The following AAAS variants were observed in gnomAD, a reference collection of about 807,000 sequenced individuals.
AAAS encodes aladin WD repeat nucleoporin, also known as aladin.
In AAAS, 60 loss-of-function variants were observed where a neutral mutation model predicts 75.6. That is an observed-to-expected ratio of 0.79 (90% CI 0.64 to 0.98). The LOEUF (loss-of-function observed/expected upper bound fraction) is 0.98. Among genes scored for constraint, AAAS ranks in the 50% least tolerant of loss-of-function variants. The probability of loss-of-function intolerance (pLI) is 0.00; values close to 1 mark genes in which losing one functional copy is unlikely to be tolerated. For missense variants in AAAS, 658 were observed against 686.9 expected (o/e 0.96, Z 0.47); for synonymous variants, 271 against 265.0 (o/e 1.02, Z -0.22).
Position 53,307,956 on chromosome 12 carries a change from G to C in AAAS, c.1332-27C>G, listed in dbSNP as rs370258728. On this transcript the variant is annotated intron_variant, in intron 14 of 15. Coordinates refer to ENST00000209873, the MANE Select transcript of AAAS (RefSeq NM_015665.6). ...TAGAAGAAAAGGTGAGCAGGCAACC[G>C]GAGGCAAGAAGGGAGCTGAATGTAG... is the stretch of plus-strand genomic sequence containing the variant. 6 of 1,613,460 alleles carry C rather than the reference G, an allele frequency of 3.7e-6. No individual in the cohort carries two copies. In the African/African-American group the frequency reaches 8.0e-5, roughly 22 times the overall value.
chr12:53,320,085 T>G (rs1379210874), intron 2 of AAAS, among the ~76,000 whole-genome samples: 1 of 151,182 alleles, frequency 6.6e-6, no homozygotes, highest in Non-Finnish European at 1.5e-5. Flanking sequence ...GCCACTGCAC[T>G]CCAGCCTGGG....
chr12:53,318,504 C>T (rs765206328), intron 2 of AAAS, among the ~76,000 whole-genome samples: 3 of 152,116 alleles, frequency 2.0e-5, no homozygotes, highest in Admixed American at 6.6e-5. Flanking sequence ...TGAGCTTCCG[C>T]GCCCAGACTA....
intron 2 of AAAS, among the ~76,000 whole-genome samples, chr12:53,315,995 G>A (rs1250119568): frequency 6.6e-6 from 1 of 152,186 alleles, no homozygotes; most frequent in Non-Finnish European, 1.5e-5. Context: ...GACAACCAAG[G>A]CTCAGAGGAC....
rs1944322316 is a variant in AAAS at position 53,308,140 on chromosome 12, G to T, written c.1250-7C>A. 1.9e-6 allele frequency: 3 copies of T among 1,614,048 alleles called. No homozygotes were observed. The highest frequency in any genetic ancestry group is 1.3e-5 in the African/African-American group (1 of 74,946). On this transcript the variant is annotated splice_polypyrimidine_tract_variant and splice_region_variant and intron_variant, in intron 13 of 15. Coordinates refer to ENST00000209873, the MANE Select transcript of AAAS (RefSeq NM_015665.6). ...TCCTGTACCCTTGGCTTTCCTGTAA[G>T]AAATGGATCCAGGGATAGGGGAGGA...
chr12:53,321,603 A>G lies in AAAS; in HGVS notation c.-138T>C. Reference sequence around the variant, plus strand: ...GGGACAAACGGCGAGGCGGAACTCAACGGAAGTGAAGAAAAGACTAACGGG... The same window carrying G: ...GGGACAAACGGCGAGGCGGAACTCAGCGGAAGTGAAGAAAAGACTAACGGG... On this transcript the variant is annotated 5_prime_UTR_variant, in exon 1 of 16. Transcript: ENST00000209873. 6 of 1,457,534 alleles carry G rather than the reference A, an allele frequency of 4.1e-6. No individual in the cohort carries two copies. The highest frequency in any genetic ancestry group is 3.4e-5 in the Admixed American group (2 of 58,988). 90.3% of individuals were successfully genotyped at this position (1,457,534 alleles called of 1,614,324 possible).
intron 2 of AAAS, among the ~76,000 whole-genome samples, chr12:53,318,223 A>AGTGTGTATGT: frequency 7.3e-6 from 1 of 136,996 alleles, no homozygotes; most frequent in East Asian, 2.2e-4. Context: ...ATGGGGTTTC[A>AGTGTGTATGT]GTGTGTGTGT....
chr12:53,317,865 G>T (rs1944487972), intron 2 of AAAS, among the ~76,000 whole-genome samples: 1 of 152,126 alleles, frequency 6.6e-6, no homozygotes, highest in Non-Finnish European at 1.5e-5. Context: ...AAGATGTGAA[G>T]ACTAATCAGA....
At chr12:53,318,272 GT>G (rs1254596062) in intron 2 of AAAS, among the ~76,000 whole-genome samples, 1 of 150,074 alleles carries the variant, frequency 6.7e-6, no homozygotes, top group Admixed American at 6.6e-5. Context: ...GTGTGTGTGT[GT>G]TAAGACGGAG....
rs1384582461 is a variant in AAAS, at chr12:53,309,153, TCA to T, written c.935+2_935+3del. 1 of 1,614,200 alleles carries T rather than the reference TCA, an allele frequency of 6.2e-7. No homozygotes were observed. Among genetic ancestry groups the T allele is most frequent in the Non-Finnish European group, 8.5e-7 (1 of 1,180,038 alleles). On this transcript the variant is annotated splice_donor_variant and splice_donor_region_variant and intron_variant, in intron 9 of 15. Coordinates refer to ENST00000209873, the MANE Select transcript of AAAS (RefSeq NM_015665.6). LOFTEE classifies it high-confidence loss of function. ...TGCCCTCCCTCCATCCTTGTCCCAC[TCA>T]CCGAAAGACAGCTGAAGGAGTGGTA...
chr12:53,320,559 C>T lies in AAAS; in HGVS notation c.251+6G>A. On this transcript the variant is annotated splice_donor_region_variant and intron_variant, in intron 2 of 15. Transcript: ENST00000209873. ...GTGACCCAGGAAACCCTTTGCCATG[C>T]CTCACCAAATGTTGATGCATCTCTT... The T allele has an allele frequency of 6.2e-7, 1 of 1,613,728 alleles. No individual in the cohort carries two copies. Among genetic ancestry groups the T allele is most frequent in the East Asian group, 2.2e-5 (1 of 44,888 alleles).
intron 2 of AAAS, among the ~76,000 whole-genome samples, chr12:53,318,245 C>CGCGTGTGT (rs1944494717): frequency 1.3e-5 from 1 of 78,832 alleles, no homozygotes; most frequent in Non-Finnish European, 3.4e-5. Flanking sequence ...TGTGTGTGTG[C>CGCGTGTGT]GTGTGTGTGT....
chr12:53,309,210 G>A lies in AAAS; in HGVS notation c.882C>T (p.Leu294=), dbSNP rs552736260. 170 of 1,614,156 alleles carry A rather than the reference G, an allele frequency of 1.1e-4. 4 individuals are homozygous for A. In the South Asian group the frequency reaches 1.7e-3, roughly 16 times the overall value. Residue 294 remains leucine (L), a synonymous_variant, in exon 9 of 16, where the codon CTC becomes CTT. Transcript: ENST00000209873. ...WFRGGGVTNL[L]WSPDGSKILA... ...GGATTTTGCTGCCGTCTGGGGACCA[G>A]AGCAGGTTGGTCACCCCACCTCCTC...
At chr12:53,314,959 C>A (rs889877382) in intron 5 of AAAS, 110 bp from the exon 6 acceptor site, 5 of 1,484,912 alleles carry the variant, frequency 3.4e-6, no homozygotes, top group Admixed American at 3.6e-5. Flanking sequence ...TTCTTGTATT[C>A]TTTTTTGGGG....
intron 1 of AAAS, chr12:53,320,972 A>C: frequency 3.7e-6 from 2 of 540,230 alleles, no homozygotes; most frequent in Non-Finnish European, 6.6e-6. Context: ...AACGCTCAAT[A>C]AATGTCAGTT....
intron 7 of AAAS, among the ~76,000 whole-genome samples, chr12:53,310,627 C>T (rs1944374973): frequency 6.6e-6 from 1 of 151,874 alleles, no homozygotes; most frequent in Non-Finnish European, 1.5e-5. Flanking sequence ...TACCTGAGGG[C>T]ACCTGCCATG....
At chr12:53,310,124 G>A (rs747933282) in intron 7 of AAAS, among the ~76,000 whole-genome samples, 9 of 152,166 alleles carry the variant, frequency 5.9e-5, no homozygotes, top group Non-Finnish European at 1.2e-4. Flanking sequence ...AATAATCTAT[G>A]ACATTACTTC....
Position 53,307,615 on chromosome 12 carries a change from A to G in AAAS, c.1515T>C (p.Pro505=), listed in dbSNP as rs35282133. The part of the protein sequence containing the change: ...SPVLGRAQEP[P]AGGGGSIHDL... ...CATGAATAGAGCCTCCACCCCCAGCAGGGGGTTCCTGGGCCCGCCCAAGCA... is the reference window on the plus strand; with the variant it reads ...CATGAATAGAGCCTCCACCCCCAGCGGGGGGTTCCTGGGCCCGCCCAAGCA... The change falls in exon 16 of 16, where the codon CCT becomes CCC. Residue 505 remains proline (P), a synonymous_variant. Transcript: ENST00000209873. 1.5e-3 allele frequency: 2,372 copies of G among 1,614,144 alleles called. 37 individuals are homozygous for G. In the African/African-American group the frequency reaches 0.027, roughly 18 times the overall value.
chr12:53,309,311 A>G, intron 8 of AAAS, 30 bp from the exon 9 acceptor site: 1 of 1,612,456 alleles, frequency 6.2e-7, no homozygotes, highest in Non-Finnish European at 8.5e-7. Context: ...GATAAGGGAA[A>G]ACTCAAGCAC....
rs565082206 is a variant in AAAS, at chr12:53,308,988, C to T, written c.968G>A (p.Arg323Lys). The T allele has an allele frequency of 1.1e-5, 18 of 1,614,198 alleles. No individual in the cohort carries two copies. In the African/African-American group the frequency reaches 2.0e-4, roughly 18 times the overall value. Residue 323 changes from arginine to lysine, a missense_variant, in exon 10 of 16, where the codon AGG (arginine) becomes AAG (lysine). By Grantham distance (26) the Arg-to-Lys change is conservative. Coordinates refer to ENST00000209873, the MANE Select transcript of AAAS (RefSeq NM_015665.6). The stretch of plus-strand genomic sequence containing the variant: ...ACAGCGCCCTGATAGAGTAGGCCAC[C>T]TCTCACAAGTCCACATCTGGGCCTC... ...VWEAQMWTCE[R>K]WPTLSGRCQT...
Sources: allele counts gnomAD v4.1 joint callset (sites outside exome capture counted in the v4.1 genomes callset), GRCh38; gene constraint gnomAD v4.1.1; transcripts MANE v1.5; gene names NCBI Gene and HGNC (gene_info 2026-07-23, HGNC 2026-07-21).